Variants in WDR70 observed in about 807,000 individuals in gnomAD.
WDR70 encodes WD repeat-containing protein 70.
A neutral mutation model predicts 88.6 loss-of-function variants in WDR70; 53 were observed. The observed-to-expected ratio is 0.60, with a 90% CI of 0.48 to 0.75. The LOEUF (loss-of-function observed/expected upper bound fraction) is 0.75, where lower values mean the gene tolerates loss of function less well. Ranked by LOEUF, WDR70 falls within the 30% of genes least tolerant of loss-of-function variation. WDR70 has a pLI of 0.00. For synonymous variants in WDR70, 280 were observed against 270.0 expected (o/e 1.04, Z -0.36); for missense variants, 610 against 823.2 (o/e 0.74, Z 3.17).
chr5:37,548,674 T>C (rs1742062085), intron 9 of WDR70, among the ~76,000 whole-genome samples: 1 of 152,192 alleles, frequency 6.6e-6, no homozygotes, highest in African/African-American at 2.4e-5. Flanking sequence ...ATTTTTGATT[T>C]GGTTGCCTGT....
At chr5:37,694,826 C>A (rs1179951836) in intron 10 of WDR70, among the ~76,000 whole-genome samples, 1 of 142,514 alleles carries the variant, frequency 7.0e-6, no homozygotes, top group Non-Finnish European at 1.5e-5. Context: ...GCACATGTAC[C>A]CTATAACTTA....
chr5:37,489,485 G>A (rs1423359091), intron 8 of WDR70, among the ~76,000 whole-genome samples: 1 of 152,184 alleles, frequency 6.6e-6, no homozygotes, highest in Non-Finnish European at 1.5e-5. Context: ...CTGGGTGCCA[G>A]GTTTGGTGGT....
Position 37,679,714 on chromosome 5 carries a change from G to A in WDR70, c.1093-17941G>A, listed in dbSNP as rs541308987. Among the ~76,000 whole-genome samples the A allele has an allele frequency of 5.3e-5, 8 of 152,316 alleles. No homozygotes were observed. The South Asian group carries it at 6.2e-4, about 12-fold the overall frequency. ...ACCCACTTGAGGAGGCAGTCTGCCC[G>A]TTCTCAGATCTCCAGCTGCGTGCTG... On this transcript the variant is annotated intron_variant, in intron 10 of 17. Transcript: ENST00000265107.
intron 17 of WDR70, among the ~76,000 whole-genome samples, chr5:37,740,187 A>G (rs1031604292): frequency 4.6e-5 from 7 of 152,198 alleles, no homozygotes; most frequent in African/African-American, 1.7e-4. Context: ...TAACATTGCT[A>G]GAGGTTGCCT....
intron 10 of WDR70, among the ~76,000 whole-genome samples, chr5:37,649,654 A>T (rs1745337078): frequency 6.6e-6 from 1 of 151,280 alleles, no homozygotes; most frequent in Non-Finnish European, 1.5e-5. Flanking sequence ...CTGGGTTGTC[A>T]TAAGCATGAA....
chr5:37,434,144 G>A (rs887012094), intron 5 of WDR70, among the ~76,000 whole-genome samples: 2 of 152,054 alleles, frequency 1.3e-5, no homozygotes, highest in South Asian at 4.1e-4. Flanking sequence ...TTCTTCATAG[G>A]GTGGCAAGAC....
At chr5:37,711,370 T>A (rs1196403932) in intron 13 of WDR70, among the ~76,000 whole-genome samples, 1 of 152,206 alleles carries the variant, frequency 6.6e-6, no homozygotes, top group Admixed American at 6.5e-5. Flanking sequence ...TGTATAAAAA[T>A]TAGACTTAAC....
chr5:37,672,329 G>C (rs1746049570), intron 10 of WDR70, among the ~76,000 whole-genome samples: 1 of 152,056 alleles, frequency 6.6e-6, no homozygotes, highest in Non-Finnish European at 1.5e-5. Context: ...CTGTGCTGAG[G>C]AGGATTAGTA....
intron 10 of WDR70, among the ~76,000 whole-genome samples, chr5:37,637,749 T>A (rs1745011808): frequency 6.6e-6 from 1 of 152,198 alleles, no homozygotes; most frequent in Non-Finnish European, 1.5e-5. Flanking sequence ...TTCTTGGAAG[T>A]GGAGCACAGT....
At chr5:37,593,596 G>C (rs192143809) in intron 9 of WDR70, among the ~76,000 whole-genome samples, 85 of 152,266 alleles carry the variant, frequency 5.6e-4, no homozygotes, top group African/African-American at 2.0e-3. Context: ...TGTGAATAGT[G>C]CCACAATAAA....
chr5:37,725,141 A>T, intron 16 of WDR70, 91 bp downstream of exon 16: 5 of 1,040,736 alleles, frequency 4.8e-6, no homozygotes, highest in Non-Finnish European at 7.3e-6. Context: ...TTGGGCCTGG[A>T]TGCTTCTTTG....
chr5:37,589,728 C>T (rs1030917126), intron 9 of WDR70, among the ~76,000 whole-genome samples: 1 of 151,858 alleles, frequency 6.6e-6, no homozygotes, highest in African/African-American at 2.4e-5. Flanking sequence ...TTACAGGTCT[C>T]TGCAAAAATA....
chr5:37,411,269 G>A (rs1482489727), intron 5 of WDR70, among the ~76,000 whole-genome samples: 1 of 152,128 alleles, frequency 6.6e-6, no homozygotes, highest in African/African-American at 2.4e-5. Context: ...CTTTTAAGGT[G>A]TTATTTAATA....
chr5:37,589,249 T>TACACACACACACACACACAC (rs57446016), intron 9 of WDR70, among the ~76,000 whole-genome samples: 3 of 140,142 alleles, frequency 2.1e-5, no homozygotes, highest in Admixed American at 7.3e-5. Context: ...CCTACACACA[T>TACACACACACACACACACAC]ACACACACAC....
chr5:37,694,452 T>C (rs2112645013), intron 10 of WDR70, among the ~76,000 whole-genome samples: 1 of 152,310 alleles, frequency 6.6e-6, no homozygotes, highest in African/African-American at 2.4e-5. Context: ...CCAATCCAAA[T>C]GTCCATCAAT....
intron 13 of WDR70, among the ~76,000 whole-genome samples, chr5:37,706,775 C>T (rs146603112): frequency 2.1e-3 from 322 of 151,894 alleles, no homozygotes; most frequent in Admixed American, 3.5e-3. Flanking sequence ...TCTCTCTCTC[C>T]CCTCATTTGT....
At chr5:37,599,928 T>C (rs1743817163) in intron 9 of WDR70, among the ~76,000 whole-genome samples, 1 of 151,634 alleles carries the variant, frequency 6.6e-6, no homozygotes, top group Non-Finnish European at 1.5e-5. Flanking sequence ...TTTGGAGCCT[T>C]ACTTTACCAT....
intron 5 of WDR70, among the ~76,000 whole-genome samples, chr5:37,437,059 C>G (rs1294474499): frequency 6.6e-6 from 1 of 152,108 alleles, no homozygotes; most frequent in Non-Finnish European, 1.5e-5. Context: ...AGTTGTTCTG[C>G]CCATACTCCT....
chr5:37,649,841 C>T (rs1395066521), intron 10 of WDR70, among the ~76,000 whole-genome samples: 1 of 138,390 alleles, frequency 7.2e-6, no homozygotes, highest in Non-Finnish European at 1.5e-5. Flanking sequence ...GGGTTCACGC[C>T]ATTCTCCTGC....
Sources: allele counts gnomAD v4.1 joint callset (sites outside exome capture counted in the v4.1 genomes callset), GRCh38; gene constraint gnomAD v4.1.1; transcripts MANE v1.5; gene names NCBI Gene and HGNC (gene_info 2026-07-23, HGNC 2026-07-21).